TMEM65: variants seen among roughly 807,000 people sequenced by gnomAD.
TMEM65 encodes the protein transmembrane protein 65.
A neutral mutation model predicts 25.4 loss-of-function variants in TMEM65; 22 were observed. The ratio of observed to expected loss-of-function variants is 0.86; its 90% CI spans 0.62 to 1.23. TMEM65 has a LOEUF of 1.23. Ranked by LOEUF, TMEM65 falls within the 50% of genes most tolerant of loss-of-function variation. The probability of loss-of-function intolerance (pLI) is 0.00; values close to 1 mark genes in which losing one functional copy is unlikely to be tolerated. For missense variants in TMEM65, 262 were observed against 308.2 expected (o/e 0.85, Z 1.12); for synonymous variants, 132 against 126.2 (o/e 1.05, Z -0.31).
At chr8:124,332,613 A>C (rs1259562272) in intron 1 of TMEM65, among the ~76,000 whole-genome samples, 2 of 152,156 alleles carry the variant, frequency 1.3e-5, no homozygotes, top group Non-Finnish European at 2.9e-5. Context: ...AACAAATGTT[A>C]AGAGAAAGAA....
At chr8:124,338,048 A>G (rs1393660881) in intron 1 of TMEM65, among the ~76,000 whole-genome samples, 1 of 152,024 alleles carries the variant, frequency 6.6e-6, no homozygotes, top group Non-Finnish European at 1.5e-5. Context: ...AGCGAAAAGA[A>G]ACTTAAAAGC....
At chr8:124,370,895 A>C (rs2131235953) in intron 1 of TMEM65, among the ~76,000 whole-genome samples, 1 of 152,360 alleles carries the variant, frequency 6.6e-6, no homozygotes. Context: ...ATCAGAATGT[A>C]ATACAAACTG....
chr8:124,354,942 G>A (rs1022790917), intron 1 of TMEM65, among the ~76,000 whole-genome samples: 5 of 152,112 alleles, frequency 3.3e-5, no homozygotes, highest in Non-Finnish European at 7.4e-5. Flanking sequence ...AAACTCTTCT[G>A]TAAATTTAAG....
rs760578345 is a variant in TMEM65, at chr8:124,315,725, T to C, written c.622-1664A>G. Among the ~76,000 whole-genome samples, 239 of 152,272 alleles carry C rather than the reference T, an allele frequency of 1.6e-3. 4 individuals are homozygous for C. Among genetic ancestry groups the C allele is most frequent in the Non-Finnish European group, 1.4e-3 (98 of 68,026 alleles). ...CTTATTTTGAGGCTTTTGGTGGTGGTAGTGGTATTAGTAGTATGACCACTG... is the reference window on the plus strand; with the variant it reads ...CTTATTTTGAGGCTTTTGGTGGTGGCAGTGGTATTAGTAGTATGACCACTG... On this transcript the variant is annotated intron_variant, in intron 6 of 6. Coordinates refer to ENST00000297632, the MANE Select transcript of TMEM65 (RefSeq NM_194291.3).
chr8:124,328,077 C>T (rs1814388979), intron 2 of TMEM65, among the ~76,000 whole-genome samples: 1 of 152,106 alleles, frequency 6.6e-6, no homozygotes, highest in Non-Finnish European at 1.5e-5. Flanking sequence ...ACCAAAAACA[C>T]ACCTTACTTC....
Position 124,307,452 on chromosome 8 carries a change from T to TA in TMEM65, c.*6507dup, listed in dbSNP as rs150083848. 0.21 allele frequency: 31,789 copies of TA among 151,800 alleles called. 3,371 individuals carry two copies. The highest frequency in any genetic ancestry group is 0.28 in the East Asian group (1,428 of 5,146). The allele number at this position is 151,800 out of a possible 1,614,324, so 9.4% of individuals were successfully genotyped here. On this transcript the variant is annotated 3_prime_UTR_variant, in exon 7 of 7. Transcript: ENST00000297632. ...ATGAATCCAGCATAAGGACCACTGTTAAAAAAAATTAAGAAAATTTATGAA... is the reference window on the plus strand; with the variant it reads ...ATGAATCCAGCATAAGGACCACTGTTAAAAAAAAATTAAGAAAATTTATGAA...
At chr8:124,352,962 A>G (rs754869737) in intron 1 of TMEM65, among the ~76,000 whole-genome samples, 3 of 152,092 alleles carry the variant, frequency 2.0e-5, no homozygotes, top group Non-Finnish European at 4.4e-5. Flanking sequence ...CACCGTCTAT[A>G]CAAAAAATAC....
chr8:124,364,006 A>G (rs1231851133), intron 1 of TMEM65, among the ~76,000 whole-genome samples: 3 of 152,198 alleles, frequency 2.0e-5, no homozygotes, highest in Non-Finnish European at 2.9e-5. Context: ...AGTAGAATCT[A>G]CTATAAAACC....
At chr8:124,366,509 G>A (rs1393981356) in intron 1 of TMEM65, among the ~76,000 whole-genome samples, 2 of 152,108 alleles carry the variant, frequency 1.3e-5, no homozygotes, top group East Asian at 3.9e-4. Context: ...ACAGCATCCA[G>A]CTGAGCCCTG....
intron 6 of TMEM65, among the ~76,000 whole-genome samples, chr8:124,314,507 G>A (rs1018594575): frequency 1.6e-4 from 24 of 152,178 alleles, no homozygotes; most frequent in African/African-American, 5.8e-4. Context: ...GCATCTTCAT[G>A]AAGCATTCAT....
intron 6 of TMEM65, 144 bp downstream of exon 6, chr8:124,319,942 T>G: frequency 1.9e-6 from 1 of 523,162 alleles, no homozygotes; most frequent in Admixed American, 3.6e-5. Flanking sequence ...TTACTGTTCT[T>G]CTGAAAACTG....
Position 124,307,900 on chromosome 8 carries a change from T to C in TMEM65, c.*6060A>G, listed in dbSNP as rs1814112905. On this transcript the variant is annotated 3_prime_UTR_variant, in exon 7 of 7. Coordinates refer to ENST00000297632, the MANE Select transcript of TMEM65 (RefSeq NM_194291.3). Reference sequence around the variant, plus strand: ...AAATAATAATATGCCACAAAGAACATTTATTAGTAAAGAAGAGAAGTGAGC... The same window carrying C: ...AAATAATAATATGCCACAAAGAACACTTATTAGTAAAGAAGAGAAGTGAGC... The C allele has an allele frequency of 6.6e-6, 1 of 151,954 alleles. No homozygotes were observed. Among genetic ancestry groups the C allele is most frequent in the Non-Finnish European group, 1.5e-5 (1 of 67,992 alleles). 9.4% of individuals were successfully genotyped at this position (151,954 alleles called of 1,614,324 possible). A position where few individuals can be genotyped will look rare whatever the true frequency, so the allele number is the denominator to read the frequency against.
chr8:124,351,979 C>T (rs904275185), intron 1 of TMEM65, among the ~76,000 whole-genome samples: 16 of 152,158 alleles, frequency 1.1e-4, no homozygotes, highest in African/African-American at 3.1e-4. Flanking sequence ...TAAAACATCA[C>T]GTTATCACTG....
chr8:124,361,492 T>C (rs1200337114), intron 1 of TMEM65, among the ~76,000 whole-genome samples: 1 of 147,836 alleles, frequency 6.8e-6, no homozygotes, highest in African/African-American at 2.5e-5. Context: ...TAATTAAAAC[T>C]ACTAGATATA....
At chr8:124,351,195 A>C in intron 1 of TMEM65, 1 of 844,704 alleles carries the variant, frequency 1.2e-6, no homozygotes, top group Non-Finnish European at 1.4e-6. Flanking sequence ...AAATATATAT[A>C]AAACTTAGAA....
chr8:124,347,759 A>C (rs1814655681), intron 1 of TMEM65, among the ~76,000 whole-genome samples: 2 of 152,226 alleles, frequency 1.3e-5, no homozygotes, highest in South Asian at 4.1e-4. Flanking sequence ...GGAGTTGGCC[A>C]GAAGCAATCA....
At chr8:124,364,962 G>A (rs1327719899) in intron 1 of TMEM65, among the ~76,000 whole-genome samples, 1 of 152,126 alleles carries the variant, frequency 6.6e-6, no homozygotes, top group Non-Finnish European at 1.5e-5. Flanking sequence ...CAAGAGTGTG[G>A]TTATGCAAAC....
At position 124,372,291 on chromosome 8, in the gene TMEM65, C is replaced by A; in HGVS notation, c.-134G>T. 2.4e-6 allele frequency: 2 copies of A among 847,656 alleles called. No homozygotes were observed. Among genetic ancestry groups the A allele is most frequent in the South Asian group, 3.3e-5 (1 of 29,960 alleles). The allele number at this position is 847,656 out of a possible 1,614,324, so 52.5% of individuals were successfully genotyped here. A position where few individuals can be genotyped will look rare whatever the true frequency, so the allele number is the denominator to read the frequency against. On this transcript the variant is annotated 5_prime_UTR_variant, in exon 1 of 7. An upstream start codon of the reference 5' UTR is lost. Transcript: ENST00000297632. ...GCCAGGCAGCCGAGGCGCCGGGCAC[C>A]ATGCACTCCGCGGGCCCGCGCGGCT... is the stretch of plus-strand genomic sequence containing the variant.
intron 1 of TMEM65, among the ~76,000 whole-genome samples, chr8:124,363,010 C>T (rs1814891770): frequency 1.3e-5 from 2 of 152,112 alleles, no homozygotes; most frequent in South Asian, 4.1e-4. Context: ...TTTTAATTAC[C>T]ACTTTGGCTA....
Sources: gnomAD v4.1 joint callset for allele counts (sites outside exome capture counted in the v4.1 genomes callset) on GRCh38, gnomAD v4.1.1 for gene constraint, MANE v1.5 for transcripts, NCBI Gene and HGNC (gene_info 2026-07-23, HGNC 2026-07-21) for gene names.